Variants in ZNF618 observed in about 807,000 individuals in gnomAD.
The protein encoded by ZNF618 is neural precursor cell expressed, developmentally down-regulated 10.
ZNF618 carries 34 observed loss-of-function variants against 103.0 expected under a neutral mutation model. The observed-to-expected ratio is 0.33, with a 90% CI of 0.25 to 0.44. The LOEUF is 0.44. Ranked by LOEUF, ZNF618 falls within the 20% of genes least tolerant of loss-of-function variation. The pLI is 1.00. For missense variants in ZNF618, 1,059 were observed against 1,295.4 expected (o/e 0.82, Z 2.80); for synonymous variants, 551 against 542.2 (o/e 1.02, Z -0.23).
chr9:113,970,175 C>CAGAG (rs140088372), intron 2 of ZNF618, among the ~76,000 whole-genome samples: 1 of 149,904 alleles, frequency 6.7e-6, no homozygotes, highest in Non-Finnish European at 1.5e-5. Flanking sequence ...AAGAGAGAGC[C>CAGAG]AGAGAGAGAG....
chr9:113,893,300 A>T (rs2131066179), intron 1 of ZNF618, among the ~76,000 whole-genome samples: 1 of 152,328 alleles, frequency 6.6e-6, no homozygotes, highest in Non-Finnish European at 1.5e-5. Context: ...GGACTATATA[A>T]GTACCTTATT....
chr9:113,882,635 T>C (rs1172566889), intron 1 of ZNF618, among the ~76,000 whole-genome samples: 4 of 152,240 alleles, frequency 2.6e-5, no homozygotes, highest in African/African-American at 7.2e-5. Context: ...TGAGACTTTC[T>C]TGTTAAAGCA....
At chr9:113,938,215 G>C (rs1382120299) in intron 1 of ZNF618, among the ~76,000 whole-genome samples, 1 of 140,460 alleles carries the variant, frequency 7.1e-6, no homozygotes, top group African/African-American at 2.7e-5. Context: ...TGTTGCCCAG[G>C]CTGGAGTGCA....
chr9:113,939,002 A>ATT (rs36050918), intron 1 of ZNF618, among the ~76,000 whole-genome samples: 10 of 149,352 alleles, frequency 6.7e-5, no homozygotes, highest in Non-Finnish European at 8.9e-5. Flanking sequence ...ATTCTCTTGG[A>ATT]TTTTTTTTTT....
At chr9:114,034,096 C>G (rs1028329180) in intron 12 of ZNF618, among the ~76,000 whole-genome samples, 2 of 152,166 alleles carry the variant, frequency 1.3e-5, no homozygotes, top group Non-Finnish European at 1.5e-5. Context: ...TGTGAACATT[C>G]AGTGAGTCCC....
intron 1 of ZNF618, among the ~76,000 whole-genome samples, chr9:113,953,447 T>G (rs1835957634): frequency 6.6e-6 from 1 of 152,204 alleles, no homozygotes; most frequent in South Asian, 2.1e-4. Context: ...GAGGAAAGTA[T>G]CATTCAATTT....
At chr9:113,909,138 C>T (rs1168930023) in intron 1 of ZNF618, among the ~76,000 whole-genome samples, 2 of 152,020 alleles carry the variant, frequency 1.3e-5, no homozygotes, top group Non-Finnish European at 2.9e-5. Flanking sequence ...CTCTCTCTCT[C>T]TGAGCTTGAG....
intron 9 of ZNF618, among the ~76,000 whole-genome samples, chr9:114,010,129 G>A (rs889004171): frequency 6.6e-5 from 10 of 152,016 alleles, no homozygotes; most frequent in African/African-American, 2.4e-4. Flanking sequence ...GGCCAATATG[G>A]CGAAACCCCG....
intron 1 of ZNF618, among the ~76,000 whole-genome samples, chr9:113,916,594 C>G (rs1832106131): frequency 6.6e-6 from 1 of 152,170 alleles, no homozygotes; most frequent in Admixed American, 6.5e-5. Context: ...AGTATCATGG[C>G]ACTTAACCGT....
In ZNF618 at chr9:113,998,369, A is replaced by G; in HGVS notation, c.433+15A>G. 6.5e-7 allele frequency: 1 copy of G among 1,548,412 alleles called. No homozygotes were observed. The highest frequency in any genetic ancestry group is 8.7e-7 in the Non-Finnish European group (1 of 1,145,454). On this transcript the variant is annotated intron_variant, in intron 4 of 14. Transcript: ENST00000374126. ...ATATGCATCTGGTACGTGATGGCCA[A>G]GGGGTAGTGCCTGATCCGGGGCCAG...
intron 1 of ZNF618, among the ~76,000 whole-genome samples, chr9:113,940,197 A>C (rs1385158199): frequency 6.6e-6 from 1 of 151,090 alleles, no homozygotes; most frequent in Non-Finnish European, 1.5e-5. Context: ...GCTTTTGTTT[A>C]GTTTTATTGC....
intron 2 of ZNF618, among the ~76,000 whole-genome samples, chr9:113,971,421 C>G (rs1050856623): frequency 2.6e-5 from 4 of 152,142 alleles, no homozygotes; most frequent in African/African-American, 9.7e-5. Flanking sequence ...CCACTTTCCT[C>G]CCACTTTCAC....
rs1019877048 is a variant in ZNF618, at chr9:113,907,713, G to A, written c.33+31300G>A. On this transcript the variant is annotated intron_variant, in intron 1 of 14. Transcript: ENST00000374126. ...ACTGGTGTTTCTGCATCGCTGGGAG[G>A]TACAGTTGAATGTCTAACCAACTCC... is the stretch of plus-strand genomic sequence containing the variant. Among the ~76,000 whole-genome samples the A allele has an allele frequency of 8.5e-5, 13 of 152,310 alleles. 1 individual carries two copies. The highest frequency in any genetic ancestry group is 3.1e-4 in the African/African-American group (13 of 41,574).
intron 1 of ZNF618, among the ~76,000 whole-genome samples, chr9:113,899,276 T>TCTAG (rs1337381372): frequency 1.3e-5 from 2 of 152,194 alleles, no homozygotes; most frequent in Admixed American, 1.3e-4. Context: ...TGAAACTCTA[T>TCTAG]GCCCATTAAA....
intron 2 of ZNF618, among the ~76,000 whole-genome samples, chr9:113,987,719 A>T (rs1166846176): frequency 6.6e-6 from 1 of 152,172 alleles, no homozygotes; most frequent in African/African-American, 2.4e-5. Flanking sequence ...TGAGTGAGGC[A>T]TGGTGGCATG....
chr9:113,999,371 C>T (rs745587344), intron 4 of ZNF618, among the ~76,000 whole-genome samples: 13 of 147,764 alleles, frequency 8.8e-5, no homozygotes, highest in Non-Finnish European at 1.6e-4. Flanking sequence ...CTGAGCGAGG[C>T]GCAGGCGGGG....
intron 1 of ZNF618, among the ~76,000 whole-genome samples, chr9:113,934,402 C>T (rs980237660): frequency 6.6e-6 from 1 of 152,188 alleles, no homozygotes; most frequent in Non-Finnish European, 1.5e-5. Flanking sequence ...GGTGACTCTT[C>T]CTCATCTGCA....
intron 3 of ZNF618, 143 bp from the exon 4 acceptor site, chr9:113,998,116 T>A: frequency 1.4e-6 from 1 of 724,080 alleles, no homozygotes; most frequent in Non-Finnish European, 2.3e-6. Context: ...GGATGCCCCT[T>A]GGCCAGCACA....
intron 1 of ZNF618, among the ~76,000 whole-genome samples, chr9:113,954,625 G>A (rs997507072): frequency 5.9e-5 from 9 of 152,214 alleles, no homozygotes; most frequent in African/African-American, 2.2e-4. Flanking sequence ...GCAGGGCAGT[G>A]TCTTCAGGTG....
Sources: gnomAD v4.1 joint callset for allele counts (sites outside exome capture counted in the v4.1 genomes callset) on GRCh38, gnomAD v4.1.1 for gene constraint, MANE v1.5 for transcripts, NCBI Gene and HGNC (gene_info 2026-07-23, HGNC 2026-07-21) for gene names.